Variants in LY75 observed in about 807,000 individuals in gnomAD.
LY75 encodes lymphocyte antigen 75.
In LY75, 185 loss-of-function variants were observed where a neutral mutation model predicts 231.7. The observed-to-expected ratio is 0.80, with a 90% CI of 0.71 to 0.90. The LOEUF (loss-of-function observed/expected upper bound fraction) is 0.90. LY75 is among the 40% of genes least tolerant of loss of function. LY75 has a pLI of 0.00. For missense variants in LY75, 1,947 were observed against 2,050.2 expected (o/e 0.95, Z 0.97); for synonymous variants, 668 against 689.0 (o/e 0.97, Z 0.48).
intron 32 of LY75, 105 bp downstream of exon 32, chr2:159,810,421 C>A (rs1682924550): frequency 1.8e-5 from 27 of 1,467,528 alleles, no homozygotes; most frequent in Non-Finnish European, 2.4e-5. Flanking sequence ...ATGGAAAGTG[C>A]TTTAAAAATA....
chr2:159,878,835 A>G (rs1414401438), intron 9 of LY75, 114 bp from the exon 10 acceptor site: 30 of 1,132,152 alleles, frequency 2.6e-5, no homozygotes, highest in Non-Finnish European at 3.8e-5. Context: ...AATTGAGGAC[A>G]TGGCTATTGA....
At position 159,815,520 on chromosome 2, in the gene LY75, T is replaced by C; in HGVS notation, c.4434A>G (p.Pro1478=). ...WSDGSTFDYI[P]WKGQTSPGNC... The stretch of plus-strand genomic sequence containing the variant: ...TTCCAGGAGATGTTTGGCCTTTCCA[T>C]GGGATATAGTCAAATGTACTACCAT... The change falls in exon 31 of 35, where the codon CCA becomes CCG. Residue 1478 remains proline, a synonymous_variant. Transcript: ENST00000263636. 1 of 1,613,926 alleles carries C rather than the reference T, an allele frequency of 6.2e-7. No individual in the cohort carries two copies. The highest frequency in any genetic ancestry group is 1.1e-5 in the South Asian group (1 of 91,064).
chr2:159,827,959 G>C (rs1185202687), intron 28 of LY75, among the ~76,000 whole-genome samples: 2 of 152,042 alleles, frequency 1.3e-5, no homozygotes, highest in African/African-American at 4.8e-5. Flanking sequence ...CCTGTCGGGG[G>C]GTAGGGGGCT....
At chr2:159,890,536 A>G (rs1236224793) in intron 3 of LY75, 159 bp from the exon 4 acceptor site, 1 of 581,548 alleles carries the variant, frequency 1.7e-6, no homozygotes, top group Non-Finnish European at 2.2e-6. Context: ...TCACAATAAA[A>G]TTGGAATCAT....
intron 20 of LY75, 30 bp downstream of exon 20, chr2:159,853,243 C>T (rs1169359458): frequency 1.9e-6 from 3 of 1,585,614 alleles, no homozygotes; most frequent in East Asian, 4.5e-5. Context: ...ATTACATAAT[C>T]AGCATTAAAG....
At chr2:159,842,995 T>C (rs562293144) in intron 23 of LY75, among the ~76,000 whole-genome samples, 1 of 151,380 alleles carries the variant, frequency 6.6e-6, no homozygotes, top group African/African-American at 2.4e-5. Flanking sequence ...AAACCAAAAA[T>C]GAACTAAAAT....
chr2:159,848,510 C>T (rs554859127), intron 23 of LY75, among the ~76,000 whole-genome samples: 1 of 152,230 alleles, frequency 6.6e-6, no homozygotes, highest in East Asian at 1.9e-4. Context: ...CCATTAAAGA[C>T]TTTACTCGTG....
At chr2:159,845,463 T>C (rs1684171989) in intron 23 of LY75, among the ~76,000 whole-genome samples, 1 of 151,778 alleles carries the variant, frequency 6.6e-6, no homozygotes, top group African/African-American at 2.4e-5. Context: ...TGTGTGTATA[T>C]AACATATCAA....
intron 24 of LY75, among the ~76,000 whole-genome samples, chr2:159,841,830 A>C (rs1196104138): frequency 6.6e-6 from 1 of 152,092 alleles, no homozygotes; most frequent in African/African-American, 2.4e-5. Flanking sequence ...AAAAAGAACA[A>C]AATTCAATTA....
At chr2:159,850,725 C>A (rs1360652831) in intron 21 of LY75, among the ~76,000 whole-genome samples, 1 of 134,370 alleles carries the variant, frequency 7.4e-6, no homozygotes, top group Non-Finnish European at 1.6e-5. Context: ...CTTCCAGGCT[C>A]AAGCTACCTT....
chr2:159,862,096 A>G (rs989966342), intron 14 of LY75, among the ~76,000 whole-genome samples: 1 of 151,954 alleles, frequency 6.6e-6, no homozygotes, highest in African/African-American at 2.4e-5. Context: ...GTCAGGAGTT[A>G]GAGATCACCC....
intron 28 of LY75, among the ~76,000 whole-genome samples, chr2:159,829,798 C>T (rs1470932521): frequency 6.6e-6 from 1 of 152,102 alleles, no homozygotes. Context: ...AATTTTATTA[C>T]TCAAACATTT....
At chr2:159,840,671 A>C in intron 25 of LY75, 58 bp downstream of exon 25, 1 of 1,609,812 alleles carries the variant, frequency 6.2e-7, no homozygotes, top group East Asian at 2.2e-5. Context: ...GAAGCTATGC[A>C]CAATAAAAAA....
intron 23 of LY75, among the ~76,000 whole-genome samples, chr2:159,845,828 T>C (rs921406239): frequency 6.6e-6 from 1 of 151,684 alleles, no homozygotes; most frequent in African/African-American, 2.4e-5. Context: ...TGAGAAATAT[T>C]TTTAAATAGC....
In LY75 at chr2:159,899,051, G is replaced by T. The variant is rs1430935950; in HGVS notation, c.103C>A (p.Pro35Thr). The T allele has an allele frequency of 6.2e-7, 1 of 1,611,342 alleles. No homozygotes were observed. Among genetic ancestry groups the T allele is most frequent in the Admixed American group, 1.7e-5 (1 of 59,980 alleles). Residue 35 changes from proline to threonine, a missense_variant, in exon 2 of 35, where the codon CCC becomes ACC. By Grantham distance (38) the Pro-to-Thr change is conservative. Transcript: ENST00000263636. ...AEPSGRAAND[P>T]FTIVHGNTGK... The stretch of plus-strand genomic sequence containing the variant: ...GTATTTCCATGGACGATGGTGAAGG[G>T]GTCATTAGCTGAGTCAAATGGACAG...
intron 23 of LY75, among the ~76,000 whole-genome samples, chr2:159,844,345 T>C (rs931221790): frequency 1.5e-5 from 2 of 137,084 alleles, no homozygotes; most frequent in Non-Finnish European, 3.1e-5. Context: ...AAAAAAAAAC[T>C]ATATGGCAAT....
At chr2:159,862,355 A>G (rs1165318513) in intron 14 of LY75, among the ~76,000 whole-genome samples, 2 of 149,866 alleles carry the variant, frequency 1.3e-5, no homozygotes, top group African/African-American at 4.9e-5. Flanking sequence ...GCTACTGGGG[A>G]GGCTAGGTGG....
At chr2:159,875,024 A>G (rs1293209061) in intron 12 of LY75, among the ~76,000 whole-genome samples, 2 of 145,276 alleles carry the variant, frequency 1.4e-5, no homozygotes, top group Non-Finnish European at 3.0e-5. Flanking sequence ...AAATATATAT[A>G]TTTGTATATA....
At chr2:159,833,901 T>C (rs1683740414) in intron 27 of LY75, 143 bp downstream of exon 27, 1 of 889,040 alleles carries the variant, frequency 1.1e-6, no homozygotes, top group Non-Finnish European at 1.6e-6. Flanking sequence ...ATGTCTTTGC[T>C]TCTCCTTTGC....
Sources: gnomAD v4.1 joint callset for allele counts (sites outside exome capture counted in the v4.1 genomes callset) on GRCh38, gnomAD v4.1.1 for gene constraint, MANE v1.5 for transcripts, NCBI Gene and HGNC (gene_info 2026-07-23, HGNC 2026-07-21) for gene names.